Variants in INSL6 observed in about 807,000 individuals in gnomAD.
INSL6 encodes insulin like 6.
In INSL6, 16 loss-of-function variants were observed where a neutral mutation model predicts 9.4. That is an observed-to-expected ratio of 1.70 (90% CI 1.15 to 2.59). INSL6 has a LOEUF of 2.59. Among genes scored for constraint, INSL6 ranks in the 30% most tolerant of loss-of-function variants. The probability of loss-of-function intolerance (pLI) is 0.00; values close to 1 mark genes in which losing one functional copy is unlikely to be tolerated. For synonymous variants in INSL6, 154 were observed against 96.9 expected (o/e 1.59, Z -3.46); for missense variants, 391 against 257.3 (o/e 1.52, Z -3.56).
At chr9:5,145,739 T>C (rs184931415) in intron 2 of INSL6, among the ~76,000 whole-genome samples, 3 of 152,328 alleles carry the variant, frequency 2.0e-5, no homozygotes, top group African/African-American at 7.2e-5. Flanking sequence ...TTCCTCTGTT[T>C]GGTCTATTAA....
the INSL6 span, chr9:5,069,817 T>A: frequency 1.1e-3 from 583 of 538,126 alleles, 1 homozygote; most frequent in African/African-American, 0.011. Flanking sequence ...CAATTAGGAG[T>A]TATTAAGCAT....
intron 2 of INSL6, among the ~76,000 whole-genome samples, chr9:5,149,175 G>C (rs1368458826): frequency 6.6e-6 from 1 of 152,242 alleles, no homozygotes; most frequent in Non-Finnish European, 1.5e-5. Context: ...CCCTGTAGCA[G>C]CTAAGATCCT....
At chr9:5,103,220 GC>G in the INSL6 span, among the ~76,000 whole-genome samples, 2 of 6,904 alleles carry the variant, frequency 2.9e-4, no homozygotes, top group Non-Finnish European at 5.2e-4. Context: ...CAAAGGGAAA[GC>G]AAAAAAAAAA....
the INSL6 span, chr9:5,098,453 T>TA: frequency 6.6e-6 from 1 of 152,174 alleles, no homozygotes; most frequent in Non-Finnish European, 1.5e-5. Flanking sequence ...AGTTCCTGGT[T>TA]CTATACATTA....
chr9:5,182,126 G>A (rs1408025839), intron 1 of INSL6, among the ~76,000 whole-genome samples: 2 of 152,158 alleles, frequency 1.3e-5, no homozygotes, highest in African/African-American at 4.8e-5. Flanking sequence ...GTTCATGGCA[G>A]TGTTATCTGT....
chr9:5,074,510 A>G, the INSL6 span, among the ~76,000 whole-genome samples: 3 of 152,048 alleles, frequency 2.0e-5, no homozygotes, highest in Admixed American at 2.0e-4. Flanking sequence ...CTTTAATGCT[A>G]GTATTGTAAT....
chr9:5,033,634 C>T, the INSL6 span, among the ~76,000 whole-genome samples: 9 of 152,144 alleles, frequency 5.9e-5, no homozygotes, highest in Non-Finnish European at 1.5e-5. Flanking sequence ...CATATCCAGC[C>T]AAACTAAGCT....
chr9:5,175,358 A>C (rs1294866974), intron 1 of INSL6, among the ~76,000 whole-genome samples: 2 of 152,088 alleles, frequency 1.3e-5, no homozygotes, highest in East Asian at 3.8e-4. Context: ...GACCCTCCCT[A>C]ACAGGTCTCT....
chr9:5,040,025 A>C, the INSL6 span, among the ~76,000 whole-genome samples: 7 of 152,212 alleles, frequency 4.6e-5, no homozygotes, highest in Non-Finnish European at 1.0e-4. Context: ...AACAATACAA[A>C]GTTTGAAGAC....
At chr9:5,127,689 T>G (rs1271821905) in intron 3 of INSL6, 2 of 232,214 alleles carry the variant, frequency 8.6e-6, no homozygotes, top group African/African-American at 4.4e-5. Flanking sequence ...CATTCTTCGA[T>G]CTCTGGGATT....
intron 1 of INSL6, among the ~76,000 whole-genome samples, chr9:5,184,991 T>C (rs1564059338): frequency 1.3e-5 from 2 of 152,168 alleles, no homozygotes; most frequent in Non-Finnish European, 2.9e-5. Flanking sequence ...AGGTCAATGA[T>C]GACTTCACAG....
At chr9:5,053,318 G>A in the INSL6 span, among the ~76,000 whole-genome samples, 2 of 151,600 alleles carry the variant, frequency 1.3e-5, no homozygotes, top group African/African-American at 4.8e-5. Context: ...TTTTTAATTG[G>A]GTTATTTGTC....
chr9:5,135,448 G>T (rs1164836918), intron 2 of INSL6, among the ~76,000 whole-genome samples: 1 of 152,102 alleles, frequency 6.6e-6, no homozygotes, highest in Non-Finnish European at 1.5e-5. Context: ...AATCAAATTA[G>T]AACTCAGGAT....
chr9:5,114,004 T>C, the INSL6 span: 1 of 278,596 alleles, frequency 3.6e-6, no homozygotes, highest in Non-Finnish European at 7.2e-6. Flanking sequence ...GGGCAGGTCG[T>C]GGATGTGAAC....
At chr9:5,081,753 G>T in the INSL6 span, 22 of 1,599,746 alleles carry the variant, frequency 1.4e-5, no homozygotes, top group Admixed American at 1.7e-5. Flanking sequence ...AAAATGACAT[G>T]TTACCAAATA....
chr9:4,997,661 C>T, the INSL6 span, among the ~76,000 whole-genome samples: 3 of 152,106 alleles, frequency 2.0e-5, no homozygotes, highest in Admixed American at 1.3e-4. Context: ...CCTTGCTGTA[C>T]CCCTCAGCCT....
chr9:5,075,121 G>A, the INSL6 span, among the ~76,000 whole-genome samples: 1 of 152,144 alleles, frequency 6.6e-6, no homozygotes, highest in East Asian at 1.9e-4. Context: ...TGAGGAAGCT[G>A]CAGAAGAAAA....
the INSL6 span, among the ~76,000 whole-genome samples, chr9:5,007,213 CCTTT>C: frequency 1.1e-4 from 16 of 151,986 alleles, no homozygotes; most frequent in African/African-American, 1.9e-4. Flanking sequence ...CATTGTTCAG[CCTTT>C]CTTCTCGTCT....
At chr9:5,013,346 A>G in the INSL6 span, among the ~76,000 whole-genome samples, 1 of 152,266 alleles carries the variant, frequency 6.6e-6, no homozygotes, top group East Asian at 1.9e-4. Flanking sequence ...ATCTACTTGG[A>G]CTATAAAATT....
Sources: allele counts gnomAD v4.1 joint callset (sites outside exome capture counted in the v4.1 genomes callset), GRCh38; gene constraint gnomAD v4.1.1; transcripts MANE v1.5; gene names NCBI Gene and HGNC (gene_info 2026-07-23, HGNC 2026-07-21).